The following MARCHF1 variants were observed in gnomAD, a reference collection of about 807,000 sequenced individuals.
MARCHF1 encodes membrane associated ring-CH-type finger 1, also known as E3 ubiquitin-protein ligase MARCHF1.
MARCHF1 carries 40 observed loss-of-function variants against 54.2 expected under a neutral mutation model. The observed-to-expected ratio is 0.74, with a 90% CI of 0.57 to 0.96. MARCHF1 has a LOEUF of 0.96. MARCHF1 is among the 40% of genes least tolerant of loss of function. The probability of loss-of-function intolerance (pLI) is 0.00; values close to 1 mark genes in which losing one functional copy is unlikely to be tolerated. For missense variants in MARCHF1, 586 were observed against 656.5 expected, an observed-to-expected ratio of 0.89 and a Z score of 1.17; for synonymous variants, 236 against 236.3, an observed-to-expected ratio of 1.00 and a Z score of 0.01.
At chr4:164,055,833 T>C (rs780566903) in intron 2 of MARCHF1, among the ~76,000 whole-genome samples, 12 of 152,164 alleles carry the variant, frequency 7.9e-5, no homozygotes, top group Non-Finnish European at 1.3e-4. Context: ...GTGTGGCTCA[T>C]AAAAAAGTAC....
chr4:163,900,496 A>G (rs1359526462), intron 3 of MARCHF1, among the ~76,000 whole-genome samples: 1 of 152,130 alleles, frequency 6.6e-6, no homozygotes, highest in Non-Finnish European at 1.5e-5. Flanking sequence ...TCTGTAGTTG[A>G]GTTGGATAAT....
chr4:163,773,596 T>G (rs1436695126), intron 4 of MARCHF1, among the ~76,000 whole-genome samples: 1 of 152,144 alleles, frequency 6.6e-6, no homozygotes, highest in African/African-American at 2.4e-5. Context: ...AGAGGGACAG[T>G]TATATTATCT....
chr4:164,065,046 G>T (rs111669531), intron 2 of MARCHF1, among the ~76,000 whole-genome samples: 1,703 of 152,244 alleles, frequency 0.011, 34 homozygotes, highest in African/African-American at 0.035. Context: ...GCTGGATTCG[G>T]TTTGCCAGTA....
At chr4:163,905,990 A>G (rs1560813773) in intron 3 of MARCHF1, among the ~76,000 whole-genome samples, 1 of 152,130 alleles carries the variant, frequency 6.6e-6, no homozygotes, top group Non-Finnish European at 1.5e-5. Context: ...TTAATAATTC[A>G]GACTAACTTC....
intron 9 of MARCHF1, among the ~76,000 whole-genome samples, chr4:163,533,592 G>A (rs1342738574): frequency 6.6e-6 from 1 of 151,340 alleles, no homozygotes; most frequent in Non-Finnish European, 1.5e-5. Context: ...TTGTGTATGT[G>A]CAGGGTGGTA....
chr4:163,955,160 T>G (rs1752205812), intron 3 of MARCHF1, among the ~76,000 whole-genome samples: 1 of 150,650 alleles, frequency 6.6e-6, no homozygotes, highest in Admixed American at 6.6e-5. Context: ...TCTGAAAATG[T>G]TTATGAAAGA....
At chr4:163,694,054 G>C (rs772693176) in intron 5 of MARCHF1, among the ~76,000 whole-genome samples, 13 of 152,152 alleles carry the variant, frequency 8.5e-5, no homozygotes, top group Non-Finnish European at 1.8e-4. Context: ...AGGATATGAT[G>C]AATCAGTTAT....
chr4:163,788,597 AT>A (rs961974097), intron 4 of MARCHF1, among the ~76,000 whole-genome samples: 4 of 151,726 alleles, frequency 2.6e-5, no homozygotes, highest in African/African-American at 4.8e-5. Context: ...AGTTTGTCTT[AT>A]TTTTTTCCCA....
intron 8 of MARCHF1, chr4:163,583,933 A>G (rs1740322490): frequency 6.6e-6 from 1 of 151,714 alleles, no homozygotes; most frequent in Non-Finnish European, 1.5e-5. Context: ...CTGAGATTCC[A>G]GGTGTAAGCC....
At chr4:164,203,575 C>T (rs1192047017) in intron 1 of MARCHF1, among the ~76,000 whole-genome samples, 1 of 152,058 alleles carries the variant, frequency 6.6e-6, no homozygotes, top group Non-Finnish European at 1.5e-5. Context: ...ACTCAAAGTC[C>T]AGCTGTTTCA....
intron 4 of MARCHF1, among the ~76,000 whole-genome samples, chr4:163,746,116 A>C (rs10026053): frequency 0.37 from 56,294 of 152,062 alleles, 10,827 homozygotes; most frequent in Non-Finnish European, 0.42. Context: ...TTTACAGTAT[A>C]ATACACAGCA....
chr4:163,926,763 A>G (rs1751547634), intron 3 of MARCHF1, among the ~76,000 whole-genome samples: 1 of 151,676 alleles, frequency 6.6e-6, no homozygotes, highest in Admixed American at 6.6e-5. Flanking sequence ...GAGTTTTTAA[A>G]GAAAAAGAGG....
At chr4:164,094,017 C>T (rs185528213) in intron 2 of MARCHF1, among the ~76,000 whole-genome samples, 2 of 152,190 alleles carry the variant, frequency 1.3e-5, no homozygotes, top group East Asian at 1.9e-4. Flanking sequence ...CCAAATTTCA[C>T]CTCTCTAGGT....
At chr4:163,828,065 T>C (rs774296544) in intron 4 of MARCHF1, among the ~76,000 whole-genome samples, 1 of 109,002 alleles carries the variant, frequency 9.2e-6, no homozygotes, top group Non-Finnish European at 2.2e-5. Flanking sequence ...AGACACACCT[T>C]GTCATTCTCC....
intron 1 of MARCHF1, among the ~76,000 whole-genome samples, chr4:164,281,544 G>C (rs1020359137): frequency 6.6e-6 from 1 of 152,124 alleles, no homozygotes; most frequent in Non-Finnish European, 1.5e-5. Flanking sequence ...GAGAAGAAAA[G>C]ACATTATCAA....
chr4:163,827,854 G>A (rs1748896684), intron 4 of MARCHF1, among the ~76,000 whole-genome samples: 1 of 151,984 alleles, frequency 6.6e-6, no homozygotes, highest in African/African-American at 2.4e-5. Context: ...TTTCTTGACG[G>A]GAAACTTTCA....
At chr4:164,005,794 T>C (rs985079937) in intron 2 of MARCHF1, among the ~76,000 whole-genome samples, 2 of 152,168 alleles carry the variant, frequency 1.3e-5, no homozygotes, top group African/African-American at 4.8e-5. Flanking sequence ...CACCACATTG[T>C]AGGAGTTCCA....
At chr4:164,044,096 C>T (rs927613501) in intron 2 of MARCHF1, among the ~76,000 whole-genome samples, 3 of 152,176 alleles carry the variant, frequency 2.0e-5, no homozygotes, top group African/African-American at 7.2e-5. Flanking sequence ...CCACATATTC[C>T]TGTATTCTTC....
intron 4 of MARCHF1, among the ~76,000 whole-genome samples, chr4:163,778,877 T>C (rs1277488454): frequency 6.6e-6 from 1 of 151,946 alleles, no homozygotes; most frequent in African/African-American, 2.4e-5. Context: ...GGGGGGTATA[T>C]GATGAGAGAT....
Sources: allele counts gnomAD v4.1 joint callset (sites outside exome capture counted in the v4.1 genomes callset), GRCh38; gene constraint gnomAD v4.1.1; transcripts MANE v1.5; gene names NCBI Gene and HGNC (gene_info 2026-07-23, HGNC 2026-07-21).